The following BBS9 variants were observed in gnomAD, a reference collection of about 807,000 sequenced individuals.
BBS9 encodes the protein Bardet-Biedl syndrome 9, also known as protein PTHB1.
BBS9 carries 89 observed loss-of-function variants against 117.7 expected under a neutral mutation model. That is an observed-to-expected ratio of 0.76 (90% CI 0.64 to 0.90). The LOEUF (loss-of-function observed/expected upper bound fraction) is 0.90, where lower values mean the gene tolerates loss of function less well. BBS9 is among the 40% of genes least tolerant of loss of function. The probability of loss-of-function intolerance (pLI) is 0.00; values close to 1 mark genes in which losing one functional copy is unlikely to be tolerated. For missense variants in BBS9, 982 were observed against 1,042.2 expected, an observed-to-expected ratio of 0.94 and a Z score of 0.80; for synonymous variants, 379 against 370.9, an observed-to-expected ratio of 1.02 and a Z score of -0.25.
chr7:33,426,926 A>G lies in BBS9; in HGVS notation c.2115+38782A>G, dbSNP rs1833744638. ...GATATTTTATAGAGAATACCCTTAG[A>G]CAACAGAGGTAGTATCTCCCTGCAG... is the stretch of plus-strand genomic sequence containing the variant. On this transcript the variant is annotated intron_variant, in intron 19 of 22. Coordinates refer to ENST00000242067, the MANE Select transcript of BBS9 (RefSeq NM_198428.3). 2.0e-5 allele frequency among the ~76,000 whole-genome samples: 3 copies of G among 152,270 alleles called. No homozygotes were observed. In the South Asian group the frequency reaches 6.2e-4, roughly 32 times the overall value.
chr7:33,335,347 G>A (rs1238670684), intron 9 of BBS9, among the ~76,000 whole-genome samples: 1 of 152,040 alleles, frequency 6.6e-6, no homozygotes, highest in Non-Finnish European at 1.5e-5. Context: ...ACAGGCTTGT[G>A]CTACTGTGCC....
At chr7:33,153,695 A>C (rs1307913090) in intron 3 of BBS9, among the ~76,000 whole-genome samples, 2 of 152,214 alleles carry the variant, frequency 1.3e-5, no homozygotes, top group Admixed American at 1.3e-4. Context: ...ACTCATGAGC[A>C]TTCACATTCT....
chr7:33,622,686 T>A (rs193038389), intron 21 of BBS9, among the ~76,000 whole-genome samples: 2 of 152,338 alleles, frequency 1.3e-5, no homozygotes. Context: ...CTCCACCAGA[T>A]ATCAAGTCTA....
At chr7:33,571,309 T>C (rs147135238) in intron 21 of BBS9, among the ~76,000 whole-genome samples, 3,212 of 152,138 alleles carry the variant, frequency 0.021, 69 homozygotes, top group South Asian at 0.1. Context: ...GGTATGTGTT[T>C]TACCATTTTG....
chr7:33,616,279 G>T (rs1865126103), intron 21 of BBS9, among the ~76,000 whole-genome samples: 1 of 150,778 alleles, frequency 6.6e-6, no homozygotes, highest in African/African-American at 2.4e-5. Context: ...CATACACGTA[G>T]TGAAATGAAT....
intron 21 of BBS9, among the ~76,000 whole-genome samples, chr7:33,559,863 A>G (rs779034016): frequency 4.6e-5 from 7 of 152,074 alleles, no homozygotes; most frequent in African/African-American, 9.7e-5. Flanking sequence ...TGCAGCTTCC[A>G]GAAGGATGCA....
chr7:33,371,049 A>G (rs1017668109), intron 17 of BBS9, among the ~76,000 whole-genome samples: 2 of 152,224 alleles, frequency 1.3e-5, no homozygotes, highest in South Asian at 4.1e-4. Flanking sequence ...AGTCACCTAA[A>G]ATAATAAGAA....
At chr7:33,181,855 A>G (rs1034403324) in intron 5 of BBS9, among the ~76,000 whole-genome samples, 1 of 152,148 alleles carries the variant, frequency 6.6e-6, no homozygotes, top group African/African-American at 2.4e-5. Flanking sequence ...AGGCCGAGGC[A>G]GGCGGATCAC....
At chr7:33,291,494 C>G (rs1804035948) in intron 9 of BBS9, among the ~76,000 whole-genome samples, 1 of 152,154 alleles carries the variant, frequency 6.6e-6, no homozygotes, top group East Asian at 1.9e-4. Flanking sequence ...AAAATTCATG[C>G]CTATTTTGAA....
At chr7:33,582,247 G>A (rs1311760500) in intron 21 of BBS9, among the ~76,000 whole-genome samples, 2 of 152,040 alleles carry the variant, frequency 1.3e-5, no homozygotes, top group African/African-American at 4.8e-5. Context: ...AGGAGGCAGA[G>A]GTGTTCCAGG....
intron 19 of BBS9, among the ~76,000 whole-genome samples, chr7:33,403,854 T>A (rs1363582717): frequency 6.6e-6 from 1 of 152,270 alleles, no homozygotes; most frequent in Non-Finnish European, 1.5e-5. Context: ...CTGGGTCAAA[T>A]GGTATTTCTA....
chr7:33,182,662 CTAT>C (rs1312843527), intron 5 of BBS9, among the ~76,000 whole-genome samples: 4 of 151,910 alleles, frequency 2.6e-5, no homozygotes, highest in African/African-American at 9.7e-5. Flanking sequence ...ATTTAAGTGC[CTAT>C]TATTTTTAAA....
In BBS9 at chr7:33,390,683, A is replaced by G. The variant is rs138816760; in HGVS notation, c.2115+2539A>G. The G allele has an allele frequency of 2.9e-5, 24 of 822,504 alleles. No individual in the cohort carries two copies. In the East Asian group the frequency reaches 9.9e-4, roughly 34 times the overall value. The allele number at this position is 822,504 out of a possible 1,614,324, so 51.0% of individuals were successfully genotyped here. On this transcript the variant is annotated intron_variant, in intron 19 of 22. Coordinates refer to ENST00000242067, the MANE Select transcript of BBS9 (RefSeq NM_198428.3). ...AGTTTTTTAATGACATACTTAACAC[A>G]TGAATATAATTTCCCAAAGAAAATT...
chr7:33,614,188 CT>C (rs1257556543), intron 21 of BBS9, among the ~76,000 whole-genome samples: 1 of 151,984 alleles, frequency 6.6e-6, no homozygotes, highest in Non-Finnish European at 1.5e-5. Flanking sequence ...AATGGTTATT[CT>C]TTTTAAAATA....
intron 6 of BBS9, among the ~76,000 whole-genome samples, chr7:33,258,860 G>A (rs555792340): frequency 2.8e-4 from 43 of 151,234 alleles, no homozygotes; most frequent in African/African-American, 1.0e-3. Flanking sequence ...TAATGTGTGA[G>A]TTTAATCTAA....
intron 19 of BBS9, among the ~76,000 whole-genome samples, chr7:33,391,633 C>T (rs2128765874): frequency 6.6e-6 from 1 of 152,274 alleles, no homozygotes; most frequent in East Asian, 1.9e-4. Flanking sequence ...ATATTTTTCA[C>T]ATGTTAATTG....
At chr7:33,194,958 C>G (rs560923123) in intron 5 of BBS9, among the ~76,000 whole-genome samples, 1 of 152,252 alleles carries the variant, frequency 6.6e-6, no homozygotes, top group African/African-American at 2.4e-5. Flanking sequence ...GACTGGAGAT[C>G]AGAGAGATAG....
chr7:33,524,483 T>C (rs1203496909), intron 20 of BBS9, among the ~76,000 whole-genome samples: 1 of 152,138 alleles, frequency 6.6e-6, no homozygotes, highest in African/African-American at 2.4e-5. Flanking sequence ...CTTGGGAGGG[T>C]GTATGTGTCG....
intron 5 of BBS9, among the ~76,000 whole-genome samples, chr7:33,226,581 T>C (rs1258143302): frequency 6.6e-6 from 1 of 152,170 alleles, no homozygotes; most frequent in Non-Finnish European, 1.5e-5. Context: ...AGGAAAGATA[T>C]TTATACATCC....
Sources: allele counts gnomAD v4.1 joint callset (sites outside exome capture counted in the v4.1 genomes callset), GRCh38; gene constraint gnomAD v4.1.1; transcripts MANE v1.5; gene names NCBI Gene and HGNC (gene_info 2026-07-23, HGNC 2026-07-21).